Variants in MAPK4 observed in about 807,000 individuals in gnomAD.
The protein encoded by MAPK4 is mitogen-activated protein kinase 4, also known as Erk3-related.
A neutral mutation model predicts 47.7 loss-of-function variants in MAPK4; 22 were observed. That is an observed-to-expected ratio of 0.46 (90% CI 0.33 to 0.66). The LOEUF (loss-of-function observed/expected upper bound fraction) is 0.66. Among genes scored for constraint, MAPK4 ranks in the 30% least tolerant of loss-of-function variants. The pLI is 0.02. For missense variants in MAPK4, 736 were observed against 831.7 expected, an observed-to-expected ratio of 0.88 and a Z score of 1.42; for synonymous variants, 390 against 365.7, an observed-to-expected ratio of 1.07 and a Z score of -0.76.
chr18:50,676,764 A>G (rs886903621), intron 2 of MAPK4, among the ~76,000 whole-genome samples: 3 of 152,252 alleles, frequency 2.0e-5, no homozygotes, highest in Non-Finnish European at 4.4e-5. Flanking sequence ...AGTATGTTCT[A>G]TGATGTTTTT....
At position 50,668,065 on chromosome 18, in the gene MAPK4, A is replaced by G. The variant is rs199979866; in HGVS notation, c.546+3561A>G. On this transcript the variant is annotated intron_variant, in intron 2 of 5. Transcript: ENST00000400384. The stretch of plus-strand genomic sequence containing the variant: ...AGGAGCTCACAGAACTCAGGGAAAC[A>G]CCTATTTACATTTACTGTAAGGGTT... Among the ~76,000 whole-genome samples, 47 of 152,272 alleles carry G rather than the reference A, an allele frequency of 3.1e-4. No homozygotes were observed. In the East Asian group the frequency reaches 8.7e-3, roughly 28 times the overall value.
chr18:50,594,387 T>C (rs1331666367), intron 1 of MAPK4, among the ~76,000 whole-genome samples: 1 of 151,802 alleles, frequency 6.6e-6, no homozygotes, highest in Non-Finnish European at 1.5e-5. Flanking sequence ...GCTGCAGTAA[T>C]AAAGATAGTA....
In MAPK4 at chr18:50,574,475, T is replaced by G. The variant is rs180687429; in HGVS notation, c.-871+14232T>G. On this transcript the variant is annotated intron_variant, in intron 1 of 5. Coordinates refer to ENST00000400384, the MANE Select transcript of MAPK4 (RefSeq NM_002747.4). ...ACAAATGAGGAACCTGAAGATCAAA[T>G]AACTTCTGAAGATCCCACAGGGAAT... 2.4e-3 allele frequency among the ~76,000 whole-genome samples: 365 copies of G among 152,302 alleles called. 2 individuals are homozygous for G. Among genetic ancestry groups the G allele is most frequent in the African/African-American group, 8.0e-3 (334 of 41,578 alleles).
intron 1 of MAPK4, among the ~76,000 whole-genome samples, chr18:50,637,578 C>T (rs1196542759): frequency 2.0e-5 from 3 of 152,246 alleles, no homozygotes; most frequent in Non-Finnish European, 4.4e-5. Flanking sequence ...TACTTCTATG[C>T]ACCTGTTTCC....
chr18:50,676,699 G>A (rs1346556130), intron 2 of MAPK4, among the ~76,000 whole-genome samples: 2 of 152,182 alleles, frequency 1.3e-5, no homozygotes, highest in Non-Finnish European at 2.9e-5. Flanking sequence ...TATATTGGAG[G>A]CTAGGGTGTG....
intron 4 of MAPK4, 60 bp downstream of exon 4, chr18:50,722,159 CG>C: frequency 6.4e-7 from 1 of 1,556,972 alleles, no homozygotes; most frequent in East Asian, 2.3e-5. Context: ...CTCCACCTTG[CG>C]GGGTAGGGGG....
In MAPK4 at chr18:50,592,658, A is replaced by G. The variant is rs62093373; in HGVS notation, c.-871+32415A>G. ...GTTGCCAAGCAATATGGGAAAATTT[A>G]TTGATTGATCAAAGTAAAAATGTAT... On this transcript the variant is annotated intron_variant, in intron 1 of 5. Transcript: ENST00000400384. Among the ~76,000 whole-genome samples the G allele has an allele frequency of 3.7e-3, 560 of 152,344 alleles. 1 individual carries two copies. Among genetic ancestry groups the G allele is most frequent in the Non-Finnish European group, 6.5e-3 (441 of 68,028 alleles).
chr18:50,590,293 C>T (rs535444720), intron 1 of MAPK4, among the ~76,000 whole-genome samples: 20 of 152,186 alleles, frequency 1.3e-4, no homozygotes, highest in East Asian at 1.9e-4. Context: ...TTTCAGTTAA[C>T]GGTGTAAAAA....
rs570716916 is a variant in MAPK4, at chr18:50,659,699, T to C, written c.-870-3390T>C. Among the ~76,000 whole-genome samples, 3 of 152,354 alleles carry C rather than the reference T, an allele frequency of 2.0e-5. No homozygotes were observed. In the East Asian group the frequency reaches 5.8e-4, roughly 29 times the overall value. On this transcript the variant is annotated intron_variant, in intron 1 of 5. Coordinates refer to ENST00000400384, the MANE Select transcript of MAPK4 (RefSeq NM_002747.4). ...TCCTGAGGGTAGAACTTTCTATTCC[T>C]GTGTTTTATTACGATGCCCAGCCAT...
intron 2 of MAPK4, among the ~76,000 whole-genome samples, chr18:50,698,319 T>C (rs1423894991): frequency 6.6e-6 from 1 of 152,156 alleles, no homozygotes. Context: ...TACCATGAAC[T>C]CCATGCTCAT....
intron 1 of MAPK4, among the ~76,000 whole-genome samples, chr18:50,631,769 C>G (rs1346655076): frequency 6.6e-6 from 1 of 152,196 alleles, no homozygotes; most frequent in East Asian, 1.9e-4. Context: ...CAGTGTCCTT[C>G]CTGGAGAGAT....
chr18:50,671,717 A>G lies in MAPK4; in HGVS notation c.546+7213A>G, dbSNP rs1267020477. On this transcript the variant is annotated intron_variant, in intron 2 of 5. Transcript: ENST00000400384. ...CAGCCTGGGCAACAGCGAGACCCCC[A>G]TGTCTACAAAAAATAAGAAAAAATT... Among the ~76,000 whole-genome samples the G allele has an allele frequency of 3.9e-5, 6 of 152,000 alleles. No individual in the cohort carries two copies. The South Asian group carries it at 8.3e-4, about 21-fold the overall frequency.
chr18:50,663,759 A>G lies in MAPK4; in HGVS notation c.-200A>G, dbSNP rs1403365401. 1.5e-5 allele frequency: 8 copies of G among 541,662 alleles called. No homozygotes were observed. The highest frequency in any genetic ancestry group is 2.0e-5 in the Non-Finnish European group (6 of 306,020). 33.6% of individuals were successfully genotyped at this position (541,662 alleles called of 1,614,324 possible). A position where few individuals can be genotyped will look rare whatever the true frequency, so the allele number is the denominator to read the frequency against. ...GTTAAGACGACAGCCTGCGCCCCCAACTAGCACAGCTCAGCGAGCATGACC... is the reference window on the plus strand; with the variant it reads ...GTTAAGACGACAGCCTGCGCCCCCAGCTAGCACAGCTCAGCGAGCATGACC... On this transcript the variant is annotated 5_prime_UTR_variant, in exon 2 of 6. Transcript: ENST00000400384.
intron 1 of MAPK4, among the ~76,000 whole-genome samples, chr18:50,603,428 C>T (rs565304132): frequency 6.6e-5 from 10 of 152,304 alleles, no homozygotes; most frequent in South Asian, 4.1e-4. Context: ...CAATTTCCTG[C>T]GTGTGCCCTG....
chr18:50,585,990 A>G (rs2042384825), intron 1 of MAPK4, among the ~76,000 whole-genome samples: 1 of 152,162 alleles, frequency 6.6e-6, no homozygotes, highest in Non-Finnish European at 1.5e-5. Context: ...GGGAGCTACA[A>G]TTCAAGATGA....
chr18:50,587,972 C>A (rs888965503), intron 1 of MAPK4, among the ~76,000 whole-genome samples: 1 of 152,002 alleles, frequency 6.6e-6, no homozygotes, highest in Non-Finnish European at 1.5e-5. Flanking sequence ...CTCACGTGAT[C>A]CAACCACCTC....
At chr18:50,703,444 C>T (rs952807704) in intron 2 of MAPK4, among the ~76,000 whole-genome samples, 26 of 152,202 alleles carry the variant, frequency 1.7e-4, no homozygotes, top group African/African-American at 6.3e-4. Flanking sequence ...TCTGCAGGCA[C>T]CAGGCACACC....
intron 2 of MAPK4, among the ~76,000 whole-genome samples, chr18:50,714,705 T>A (rs1363065926): frequency 6.6e-6 from 1 of 152,218 alleles, no homozygotes; most frequent in Non-Finnish European, 1.5e-5. Flanking sequence ...ATGGTTACTC[T>A]GTTGCTAGCA....
chr18:50,596,238 G>C (rs927989387), intron 1 of MAPK4, among the ~76,000 whole-genome samples: 1 of 152,116 alleles, frequency 6.6e-6, no homozygotes, highest in African/African-American at 2.4e-5. Flanking sequence ...GGCCAGTAAG[G>C]GGTGCGGGTA....
Sources: allele counts gnomAD v4.1 joint callset (sites outside exome capture counted in the v4.1 genomes callset), GRCh38; gene constraint gnomAD v4.1.1; transcripts MANE v1.5; gene names NCBI Gene and HGNC (gene_info 2026-07-23, HGNC 2026-07-21).